RGL1: variants seen among roughly 807,000 people sequenced by gnomAD.
RGL1 encodes ral guanine nucleotide dissociation stimulator like 1, also known as ral guanine nucleotide dissociation stimulator-like 1.
A neutral mutation model predicts 95.2 loss-of-function variants in RGL1; 24 were observed. The ratio of observed to expected loss-of-function variants is 0.25; its 90% CI spans 0.18 to 0.35. The LOEUF is 0.35. RGL1 is among the 10% of genes least tolerant of loss of function. The pLI is 1.00. For synonymous variants in RGL1, 329 were observed against 344.9 expected (o/e 0.95, Z 0.51); for missense variants, 715 against 936.3 (o/e 0.76, Z 3.08).
At position 183,830,712 on chromosome 1, in the gene RGL1, T is replaced by G. The variant is rs528580463; in HGVS notation, c.139-16854T>G. Reference sequence around the variant, plus strand: ...AAAAAAACCCATGACTTAAGTAATTTTTAAAATCATGATAACCAAATATAG... The same window carrying G: ...AAAAAAACCCATGACTTAAGTAATTGTTAAAATCATGATAACCAAATATAG... On this transcript the variant is annotated intron_variant, in intron 2 of 17. Transcript: ENST00000360851. Among the ~76,000 whole-genome samples, 15 of 152,282 alleles carry G rather than the reference T, an allele frequency of 9.9e-5. No homozygotes were observed. In the South Asian group the frequency reaches 3.1e-3, roughly 32 times the overall value.
chr1:183,872,356 C>T (rs1229575048), intron 4 of RGL1, among the ~76,000 whole-genome samples: 2 of 152,152 alleles, frequency 1.3e-5, no homozygotes, highest in East Asian at 1.9e-4. Flanking sequence ...TTTAAAACTC[C>T]TCAAGAAATG....
At chr1:183,860,659 C>A (rs542822758) in intron 3 of RGL1, among the ~76,000 whole-genome samples, 1 of 152,308 alleles carries the variant, frequency 6.6e-6, no homozygotes, top group African/African-American at 2.4e-5. Context: ...AATACCCAAC[C>A]TCTGGCCCTC....
chr1:183,833,812 A>G (rs960329778), intron 2 of RGL1, among the ~76,000 whole-genome samples: 23 of 152,150 alleles, frequency 1.5e-4, no homozygotes, highest in Admixed American at 4.6e-4. Flanking sequence ...CAGAGAAGCT[A>G]TGGCTGAGGA....
intron 2 of RGL1, among the ~76,000 whole-genome samples, chr1:183,767,804 T>C (rs1659059592): frequency 6.6e-6 from 1 of 151,972 alleles, no homozygotes; most frequent in Admixed American, 6.6e-5. Flanking sequence ...AATACAAAAA[T>C]TAGCTGGGTG....
chr1:183,799,597 GTCT>G (rs1311393356), intron 2 of RGL1, among the ~76,000 whole-genome samples: 3 of 152,148 alleles, frequency 2.0e-5, no homozygotes, highest in Admixed American at 1.3e-4. Context: ...CCATTTGTCA[GTCT>G]TCTTTGGAAA....
rs188090576 is a variant in RGL1 at position 183,728,978 on chromosome 1, A to G, written c.-32-13148A>G. Reference sequence around the variant, plus strand: ...CCCTTACTTTATGGTACACAACTGGATAATCTTAAATGTAAATGCTAAAAC... The same window carrying G: ...CCCTTACTTTATGGTACACAACTGGGTAATCTTAAATGTAAATGCTAAAAC... On this transcript the variant is annotated intron_variant, in intron 1 of 18. Coordinates refer to the RGL1 transcript ENST00000304685. 4.5e-4 allele frequency among the ~76,000 whole-genome samples: 69 copies of G among 152,324 alleles called. No individual in the cohort carries two copies. The East Asian group carries it at 0.01, about 23-fold the overall frequency.
intron 14 of RGL1, among the ~76,000 whole-genome samples, chr1:183,911,002 AT>A (rs1291170892): frequency 6.6e-6 from 1 of 152,186 alleles, no homozygotes; most frequent in Non-Finnish European, 1.5e-5. Flanking sequence ...GCTTTTTGTT[AT>A]GCCTGTTGGC....
intron 1 of RGL1, among the ~76,000 whole-genome samples, chr1:183,714,058 C>A (rs1655467477): frequency 6.6e-6 from 1 of 152,150 alleles, no homozygotes; most frequent in Non-Finnish European, 1.5e-5. Flanking sequence ...AAATATGGAG[C>A]TTGTTTCCAC....
intron 9 of RGL1, among the ~76,000 whole-genome samples, chr1:183,894,175 C>T (rs1215628911): frequency 2.0e-5 from 3 of 152,212 alleles, no homozygotes; most frequent in Non-Finnish European, 4.4e-5. Context: ...CGAAGCTAGA[C>T]TAACTGGAGC....
chr1:183,788,018 C>A (rs1660263395), intron 2 of RGL1, among the ~76,000 whole-genome samples: 1 of 152,132 alleles, frequency 6.6e-6, no homozygotes, highest in Admixed American at 6.5e-5. Flanking sequence ...TACCCAGTCT[C>A]AGGTATTCCT....
At chr1:183,676,397 C>T (rs1652831663) in intron 1 of RGL1, among the ~76,000 whole-genome samples, 1 of 151,518 alleles carries the variant, frequency 6.6e-6, no homozygotes, top group Non-Finnish European at 1.5e-5. Context: ...CATAGTTGAG[C>T]CATTCTCATG....
At chr1:183,676,075 A>G (rs1214463077) in intron 1 of RGL1, among the ~76,000 whole-genome samples, 1 of 152,192 alleles carries the variant, frequency 6.6e-6, no homozygotes. Context: ...TGAGCCCAGA[A>G]GGTCAAGGTT....
At chr1:183,871,801 T>C (rs1025400839) in intron 4 of RGL1, among the ~76,000 whole-genome samples, 5 of 152,200 alleles carry the variant, frequency 3.3e-5, no homozygotes, top group African/African-American at 1.2e-4. Context: ...GTGCAGGGAC[T>C]CCCACATGCG....
At chr1:183,748,188 T>C (rs1289904300) in intron 2 of RGL1, among the ~76,000 whole-genome samples, 1 of 152,112 alleles carries the variant, frequency 6.6e-6, no homozygotes, top group Non-Finnish European at 1.5e-5. Context: ...TTATCATTTT[T>C]TATTGTGTCT....
At chr1:183,706,171 G>A (rs1654900791) in intron 1 of RGL1, among the ~76,000 whole-genome samples, 1 of 152,124 alleles carries the variant, frequency 6.6e-6, no homozygotes. Flanking sequence ...TTGAAAGGAT[G>A]TCTCTACTTA....
rs760123722 is a variant in RGL1, at chr1:183,648,079, C to T, written c.-33+11578C>T. ...AGAACATCAGTGAAGTAAGGTTTTACGCCTGTTATGGCATTGATTTCATAT... is the reference window on the plus strand; with the variant it reads ...AGAACATCAGTGAAGTAAGGTTTTATGCCTGTTATGGCATTGATTTCATAT... On this transcript the variant is annotated intron_variant, in intron 1 of 18. Coordinates refer to the RGL1 transcript ENST00000304685. 7.6e-5 allele frequency: 123 copies of T among 1,614,102 alleles called. No homozygotes were observed. Among genetic ancestry groups the T allele is most frequent in the Non-Finnish European group, 9.7e-5 (114 of 1,180,052 alleles).
intron 3 of RGL1, among the ~76,000 whole-genome samples, chr1:183,855,655 G>A (rs1016247894): frequency 2.0e-5 from 3 of 152,160 alleles, no homozygotes; most frequent in African/African-American, 4.8e-5. Flanking sequence ...CCCGCACGAC[G>A]GGTCTCAGAG....
intron 2 of RGL1, among the ~76,000 whole-genome samples, chr1:183,759,481 C>G (rs550247706): frequency 1.3e-5 from 2 of 152,200 alleles, no homozygotes; most frequent in Admixed American, 6.5e-5. Flanking sequence ...AAGGTATGCT[C>G]TCTGACTTTT....
intron 1 of RGL1, among the ~76,000 whole-genome samples, chr1:183,660,259 T>C (rs992243914): frequency 2.6e-5 from 4 of 152,096 alleles, no homozygotes. Flanking sequence ...AGACACAGAC[T>C]GGCAAATTGG....
Sources: allele counts gnomAD v4.1 joint callset (sites outside exome capture counted in the v4.1 genomes callset), GRCh38; gene constraint gnomAD v4.1.1; transcripts MANE v1.5; gene names NCBI Gene and HGNC (gene_info 2026-07-23, HGNC 2026-07-21).